ELAVL2: variants seen among roughly 807,000 people sequenced by gnomAD.
ELAVL2 encodes the protein ELAV-like protein 2.
ELAVL2 carries 4 observed loss-of-function variants against 34.6 expected under a neutral mutation model. The observed-to-expected ratio is 0.12, with a 90% CI of 0.06 to 0.26. ELAVL2 has a LOEUF of 0.26. Among genes scored for constraint, ELAVL2 ranks in the 10% least tolerant of loss-of-function variants. The pLI, the probability that ELAVL2 is intolerant of heterozygous loss-of-function variation, is 1.00. For synonymous variants in ELAVL2, 193 were observed against 154.8 expected (o/e 1.25, Z -1.83); for missense variants, 432 against 442.8 (o/e 0.98, Z 0.22).
chr9:23,771,387 T>C lies in ELAVL2; in HGVS notation c.-15-9138A>G, dbSNP rs560668706. On this transcript the variant is annotated intron_variant, in intron 1 of 6. Transcript: ENST00000397312. ...TGAATAAGCAAAGGAAGAGATTTTA[T>C]GGACAGTTGTGCCTTAAAAGAAAAT... 1.5e-3 allele frequency among the ~76,000 whole-genome samples: 226 copies of C among 152,206 alleles called. 1 individual carries two copies. Among genetic ancestry groups the C allele is most frequent in the Admixed American group, 2.5e-3 (38 of 15,290 alleles).
chr9:23,693,288 C>CTTGA, intron 6 of ELAVL2, among the ~76,000 whole-genome samples, 160 bp downstream of exon 6: 1 of 152,186 alleles, frequency 6.6e-6, no homozygotes, highest in South Asian at 2.1e-4. Flanking sequence ...ATAAAAATTT[C>CTTGA]TTGAGTCAAT....
chr9:23,772,322 T>A (rs1027169052), intron 1 of ELAVL2, among the ~76,000 whole-genome samples: 1 of 151,906 alleles, frequency 6.6e-6, no homozygotes, highest in African/African-American at 2.4e-5. Context: ...ATGTACAAAC[T>A]CCAAAGCAGA....
At chr9:23,796,656 C>A (rs1195972271) in intron 1 of ELAVL2, among the ~76,000 whole-genome samples, 1 of 152,216 alleles carries the variant, frequency 6.6e-6, no homozygotes, top group Non-Finnish European at 1.5e-5. Flanking sequence ...ACCATCCTTA[C>A]GGAGAGCCTT....
At chr9:23,714,586 C>G (rs957530100) in intron 3 of ELAVL2, among the ~76,000 whole-genome samples, 5 of 152,150 alleles carry the variant, frequency 3.3e-5, no homozygotes, top group African/African-American at 1.2e-4. Context: ...CATATTAAAC[C>G]TCTCACTACC....
chr9:23,745,493 G>C (rs746417495), intron 2 of ELAVL2, among the ~76,000 whole-genome samples: 12 of 151,954 alleles, frequency 7.9e-5, no homozygotes, highest in Admixed American at 5.9e-4. Context: ...AAATTGACTA[G>C]ATTCTTTTTT....
At chr9:23,832,378 C>T in the ELAVL2 span, 1 of 152,156 alleles carries the variant, frequency 6.6e-6, no homozygotes, top group Non-Finnish European at 1.5e-5. Context: ...CTAACACATA[C>T]CTGATTCTTA....
intron 2 of ELAVL2, among the ~76,000 whole-genome samples, chr9:23,750,303 C>T (rs1416442284): frequency 2.6e-5 from 4 of 151,902 alleles, no homozygotes; most frequent in South Asian, 4.2e-4. Flanking sequence ...TCCCAATTTC[C>T]AGCACTTAAA....
chr9:23,746,259 AG>A (rs2050453991), intron 2 of ELAVL2, among the ~76,000 whole-genome samples: 1 of 152,196 alleles, frequency 6.6e-6, no homozygotes, highest in African/African-American at 2.4e-5. Flanking sequence ...CAATTACAAA[AG>A]TTATTCTCTT....
At chr9:23,740,882 C>G (rs537881936) in intron 2 of ELAVL2, among the ~76,000 whole-genome samples, 25 of 152,208 alleles carry the variant, frequency 1.6e-4, no homozygotes, top group Non-Finnish European at 3.1e-4. Flanking sequence ...CCACACAAGA[C>G]ATTTCTCTCC....
chr9:23,799,167 T>G (rs1295125476), intron 1 of ELAVL2, among the ~76,000 whole-genome samples: 1 of 152,156 alleles, frequency 6.6e-6, no homozygotes. Flanking sequence ...TTTAAAATTT[T>G]TTTCCATCTC....
At chr9:23,813,793 G>A (rs2063344671) in intron 1 of ELAVL2, among the ~76,000 whole-genome samples, 1 of 152,158 alleles carries the variant, frequency 6.6e-6, no homozygotes, top group Non-Finnish European at 1.5e-5. Flanking sequence ...AATATGTAAG[G>A]AGCAGTTTAA....
At chr9:23,729,885 A>G (rs1348886577) in intron 3 of ELAVL2, among the ~76,000 whole-genome samples, 2 of 152,100 alleles carry the variant, frequency 1.3e-5, no homozygotes, top group African/African-American at 4.8e-5. Context: ...TACCTGAAAA[A>G]AATGAGCAAA....
intron 2 of ELAVL2, among the ~76,000 whole-genome samples, chr9:23,759,754 T>TTATATATATATATATATATATATA (rs774471922): frequency 1.6e-4 from 13 of 81,336 alleles, no homozygotes; most frequent in East Asian, 3.8e-4. Context: ...ATATATAGTA[T>TTATATATATATATATATATATATA]TATATATATA....
intron 1 of ELAVL2, among the ~76,000 whole-genome samples, chr9:23,788,381 TGA>T (rs1381946499): frequency 1.3e-5 from 2 of 152,272 alleles, no homozygotes; most frequent in African/African-American, 4.8e-5. Flanking sequence ...AATAAATATA[TGA>T]GATATGGCAG....
At chr9:23,792,929 C>A (rs1026819619) in intron 1 of ELAVL2, among the ~76,000 whole-genome samples, 2 of 151,994 alleles carry the variant, frequency 1.3e-5, no homozygotes, top group Non-Finnish European at 2.9e-5. Flanking sequence ...CATCACCACA[C>A]CCAGTTATTT....
intron 1 of ELAVL2, among the ~76,000 whole-genome samples, chr9:23,763,862 G>A (rs1476663088): frequency 6.6e-6 from 1 of 152,088 alleles, no homozygotes; most frequent in African/African-American, 2.4e-5. Flanking sequence ...AAAGAAGTGG[G>A]AATTTATTCT....
At chr9:23,816,436 T>G (rs2063735732) in intron 1 of ELAVL2, among the ~76,000 whole-genome samples, 1 of 151,678 alleles carries the variant, frequency 6.6e-6, no homozygotes, top group Non-Finnish European at 1.5e-5. Context: ...GTCTTTAAAG[T>G]TGCTGAAATA....
chr9:23,844,100 C>A, the ELAVL2 span, among the ~76,000 whole-genome samples: 2 of 152,010 alleles, frequency 1.3e-5, no homozygotes, highest in African/African-American at 2.4e-5. Flanking sequence ...AAAATTCCAC[C>A]TCCACTGAGA....
intron 2 of ELAVL2, among the ~76,000 whole-genome samples, chr9:23,746,525 G>C (rs964682692): frequency 2.6e-5 from 4 of 152,066 alleles, no homozygotes; most frequent in Admixed American, 6.6e-5. Context: ...CCTCAGAACA[G>C]AGAGGTGAGT....
Sources: allele counts gnomAD v4.1 joint callset (sites outside exome capture counted in the v4.1 genomes callset), GRCh38; gene constraint gnomAD v4.1.1; transcripts MANE v1.5; gene names NCBI Gene and HGNC (gene_info 2026-07-23, HGNC 2026-07-21).